ERC2: variants seen among roughly 807,000 people sequenced by gnomAD.
The protein encoded by ERC2 is ERC protein 2.
A neutral mutation model predicts 114.8 loss-of-function variants in ERC2; 42 were observed. That is an observed-to-expected ratio of 0.37 (90% CI 0.29 to 0.47). The LOEUF (loss-of-function observed/expected upper bound fraction) is 0.47. Among genes scored for constraint, ERC2 ranks in the 20% least tolerant of loss-of-function variants. ERC2 has a pLI of 0.99. For synonymous variants in ERC2, 454 were observed against 425.5 expected, an observed-to-expected ratio of 1.07 and a Z score of -0.82; for missense variants, 939 against 1,150.7, an observed-to-expected ratio of 0.82 and a Z score of 2.66.
rs564682649 is a variant in ERC2, at chr3:55,566,325, AAGT to A, written c.*40-55052_*40-55050del. Among the ~76,000 whole-genome samples the A allele has an allele frequency of 5.3e-5, 8 of 152,348 alleles. No homozygotes were observed. The South Asian group carries it at 1.4e-3, about 28-fold the overall frequency. Reference sequence around the variant, plus strand: ...GGTACTATTTGATGCGCAAGGAACAAAGTAGGCAAATAGCCTGCATGTATCAGG... The same window carrying A: ...GGTACTATTTGATGCGCAAGGAACAAAGGCAAATAGCCTGCATGTATCAGG... On this transcript the variant is annotated intron_variant, in intron 17 of 17. Transcript: ENST00000288221.
chr3:56,384,139 T>C (rs1368096314), intron 2 of ERC2, among the ~76,000 whole-genome samples: 1 of 152,166 alleles, frequency 6.6e-6, no homozygotes, highest in Non-Finnish European at 1.5e-5. Context: ...CTTTTGGCCA[T>C]GGTGAATAAT....
chr3:55,856,527 CACACATAT>C (rs1362064055), intron 14 of ERC2, among the ~76,000 whole-genome samples: 1 of 151,976 alleles, frequency 6.6e-6, no homozygotes, highest in East Asian at 1.9e-4. Flanking sequence ...TATATATACA[CACACATAT>C]ACACATATAT....
chr3:55,996,158 T>G (rs2071493838), intron 10 of ERC2, among the ~76,000 whole-genome samples: 2 of 152,206 alleles, frequency 1.3e-5, no homozygotes, highest in African/African-American at 4.8e-5. Context: ...TATTTTTCCT[T>G]AAGAATATGT....
At chr3:55,568,728 C>A (rs545501166) in intron 17 of ERC2, among the ~76,000 whole-genome samples, 1 of 152,194 alleles carries the variant, frequency 6.6e-6, no homozygotes, top group Non-Finnish European at 1.5e-5. Context: ...CCAGAGAAAT[C>A]CCATTCAGAT....
chr3:55,746,764 G>C (rs999647030), intron 14 of ERC2, among the ~76,000 whole-genome samples: 144 of 152,248 alleles, frequency 9.5e-4, no homozygotes, highest in African/African-American at 2.9e-3. Context: ...CTGGGAGAGG[G>C]GCTAAACAGA....
At chr3:55,958,746 C>A (rs115179992) in intron 12 of ERC2, among the ~76,000 whole-genome samples, 5,153 of 152,330 alleles carry the variant, frequency 0.034, 169 homozygotes, top group African/African-American at 0.084. Flanking sequence ...TGCAGCAGCG[C>A]CCAGGCTTGG....
At chr3:55,733,938 C>T (rs1013229513) in intron 15 of ERC2, among the ~76,000 whole-genome samples, 1 of 152,206 alleles carries the variant, frequency 6.6e-6, no homozygotes, top group Non-Finnish European at 1.5e-5. Flanking sequence ...TCATAATGAA[C>T]TCGAATCTTA....
intron 2 of ERC2, among the ~76,000 whole-genome samples, chr3:56,348,815 G>A (rs756260126): frequency 6.7e-6 from 1 of 150,278 alleles, no homozygotes; most frequent in South Asian, 2.1e-4. Flanking sequence ...CAAACCCAAG[G>A]TAAACAGGAT....
intron 6 of ERC2, among the ~76,000 whole-genome samples, chr3:56,102,953 G>A (rs2078438462): frequency 6.6e-6 from 1 of 152,120 alleles, no homozygotes; most frequent in African/African-American, 2.4e-5. Context: ...GAACTCTGAG[G>A]AAGCAAACAA....
At chr3:55,516,969 C>T (rs539273958) in intron 17 of ERC2, among the ~76,000 whole-genome samples, 7 of 152,284 alleles carry the variant, frequency 4.6e-5, no homozygotes, top group Non-Finnish European at 8.8e-5. Context: ...TAAAATTCCC[C>T]AGCTCCCTGG....
At position 56,443,194 on chromosome 3, in the gene ERC2, G is replaced by A. The variant is rs563777002; in HGVS notation, c.-140-8047C>T. On this transcript the variant is annotated intron_variant, in intron 1 of 17. Coordinates refer to ENST00000288221, the MANE Select transcript of ERC2 (RefSeq NM_015576.3). ...TTGACAGGCTGCAGTAAGAGGCTGT[G>A]GAAACACGTTGTTGCTTACAACACC... Among the ~76,000 whole-genome samples, 4 of 152,260 alleles carry A rather than the reference G, an allele frequency of 2.6e-5. No individual in the cohort carries two copies. In the East Asian group the frequency reaches 7.7e-4, roughly 29 times the overall value.
intron 17 of ERC2, among the ~76,000 whole-genome samples, chr3:55,609,241 A>C (rs558558541): frequency 2.1e-4 from 32 of 152,216 alleles, no homozygotes; most frequent in African/African-American, 7.7e-4. Context: ...ATTTGCCCCC[A>C]CTTTTATTTA....
chr3:56,235,070 T>C (rs1159499074), intron 3 of ERC2, among the ~76,000 whole-genome samples: 1 of 152,200 alleles, frequency 6.6e-6, no homozygotes, highest in Non-Finnish European at 1.5e-5. Context: ...TCTTTAGGGT[T>C]TATGGTAGAA....
intron 13 of ERC2, among the ~76,000 whole-genome samples, chr3:55,948,664 G>A (rs540937180): frequency 5.9e-5 from 9 of 152,312 alleles, no homozygotes; most frequent in African/African-American, 1.9e-4. Flanking sequence ...TTATGAGGTA[G>A]TTATCAAGGC....
intron 13 of ERC2, among the ~76,000 whole-genome samples, chr3:55,907,937 C>T (rs1010443864): frequency 6.6e-6 from 1 of 152,140 alleles, no homozygotes; most frequent in African/African-American, 2.4e-5. Context: ...AAGAGGCAGA[C>T]AGGGAGGAGC....
At chr3:56,102,190 T>C (rs536238309) in intron 6 of ERC2, among the ~76,000 whole-genome samples, 128 of 152,074 alleles carry the variant, frequency 8.4e-4, no homozygotes, top group African/African-American at 2.9e-3. Context: ...ACACAAGCGC[T>C]CCCTCCAGCT....
At chr3:55,567,819 C>T (rs985440528) in intron 17 of ERC2, among the ~76,000 whole-genome samples, 2 of 152,134 alleles carry the variant, frequency 1.3e-5, no homozygotes, top group African/African-American at 4.8e-5. Flanking sequence ...GATGAGGTCA[C>T]CACGGTGATT....
At chr3:55,949,211 T>C (rs926954722) in intron 13 of ERC2, among the ~76,000 whole-genome samples, 3 of 151,576 alleles carry the variant, frequency 2.0e-5, no homozygotes, top group Non-Finnish European at 4.4e-5. Flanking sequence ...CTACTAAAAA[T>C]ACAAAAAAAA....
At chr3:55,978,996 AC>A (rs2069843802) in intron 12 of ERC2, among the ~76,000 whole-genome samples, 1 of 152,192 alleles carries the variant, frequency 6.6e-6, no homozygotes, top group South Asian at 2.1e-4. Flanking sequence ...AGGCGATAGG[AC>A]ACCTATCTGC....
Sources: gnomAD v4.1 joint callset for allele counts (sites outside exome capture counted in the v4.1 genomes callset) on GRCh38, gnomAD v4.1.1 for gene constraint, MANE v1.5 for transcripts, NCBI Gene and HGNC (gene_info 2026-07-23, HGNC 2026-07-21) for gene names.